NAV3: variants seen among roughly 807,000 people sequenced by gnomAD.
NAV3 encodes the protein pore membrane and/or filament interacting like protein 1.
NAV3 carries 87 observed loss-of-function variants against 244.7 expected under a neutral mutation model. The ratio of observed to expected loss-of-function variants is 0.36; its 90% CI spans 0.30 to 0.42. NAV3 has a LOEUF of 0.42. Among genes scored for constraint, NAV3 ranks in the 20% least tolerant of loss-of-function variants. The pLI is 1.00. For synonymous variants in NAV3, 1,126 were observed against 1,042.2 expected, an observed-to-expected ratio of 1.08 and a Z score of -1.55; for missense variants, 2,663 against 2,893.3, an observed-to-expected ratio of 0.92 and a Z score of 1.83.
At chr12:78,096,401 T>C (rs1954253454) in intron 12 of NAV3, among the ~76,000 whole-genome samples, 1 of 152,166 alleles carries the variant, frequency 6.6e-6, no homozygotes. Flanking sequence ...CTGTTTGAGA[T>C]GAAGGGCTGC....
chr12:78,142,306 G>A lies in NAV3; in HGVS notation c.4683+1972G>A, dbSNP rs536771978. Among the ~76,000 whole-genome samples, 180 of 151,986 alleles carry A rather than the reference G, an allele frequency of 1.2e-3. No individual in the cohort carries two copies. In the South Asian group the frequency reaches 0.022, roughly 18 times the overall value. On this transcript the variant is annotated intron_variant, in intron 20 of 39. Coordinates refer to ENST00000397909, the MANE Select transcript of NAV3 (RefSeq NM_001024383.2). ...CTCAAGAAAAGGATCATGAGTTTAAGAAAAAACAGATTACTAGTCTACCAG... is the reference window on the plus strand; with the variant it reads ...CTCAAGAAAAGGATCATGAGTTTAAAAAAAAACAGATTACTAGTCTACCAG...
At chr12:78,107,041 T>A (rs1286570553) in intron 12 of NAV3, among the ~76,000 whole-genome samples, 3 of 152,132 alleles carry the variant, frequency 2.0e-5, no homozygotes, top group Non-Finnish European at 4.4e-5. Flanking sequence ...ACATCACAGG[T>A]ATATCTAAAG....
At chr12:78,205,200 T>A (rs879447517) in intron 39 of NAV3, 62 bp downstream of exon 39, 69 of 1,495,104 alleles carry the variant, frequency 4.6e-5, no homozygotes, top group Non-Finnish European at 5.8e-5. Context: ...GTCATTAATA[T>A]TTAGTTATTT....
intron 1 of NAV3, among the ~76,000 whole-genome samples, chr12:77,873,821 G>GT (rs1881444611): frequency 1.4e-5 from 2 of 143,806 alleles, no homozygotes; most frequent in South Asian, 4.5e-4. Context: ...GTGTCAATTT[G>GT]TTTTTTCAAG....
intron 2 of NAV3, among the ~76,000 whole-genome samples, chr12:77,810,053 T>C (rs1438730204): frequency 2.6e-5 from 4 of 152,254 alleles, no homozygotes; most frequent in Admixed American, 2.6e-4. Flanking sequence ...CAAACTATTC[T>C]TTTGTTTTCA....
At chr12:77,579,778 A>G (rs1017444705) in intron 2 of NAV3, among the ~76,000 whole-genome samples, 2 of 152,230 alleles carry the variant, frequency 1.3e-5, no homozygotes, top group African/African-American at 2.4e-5. Flanking sequence ...AAGATCCAGT[A>G]AAACATAGTA....
intron 2 of NAV3, among the ~76,000 whole-genome samples, chr12:77,820,395 T>C (rs1218049991): frequency 6.6e-6 from 1 of 152,092 alleles, no homozygotes; most frequent in Non-Finnish European, 1.5e-5. Flanking sequence ...CATCTTCATA[T>C]GTTAGAAGGT....
chr12:78,109,712 TAGATG>T, intron 12 of NAV3, among the ~76,000 whole-genome samples: 1 of 151,922 alleles, frequency 6.6e-6, no homozygotes, highest in East Asian at 1.9e-4. Context: ...ATCATCTCAA[TAGATG>T]CAGAAAAAAA....
chr12:78,099,570 A>G (rs1008392768), intron 12 of NAV3, among the ~76,000 whole-genome samples: 1 of 151,878 alleles, frequency 6.6e-6, no homozygotes, highest in African/African-American at 2.4e-5. Context: ...ATGGTCTTCA[A>G]TGAATCCTGG....
At chr12:77,814,402 A>G (rs542244456) in intron 2 of NAV3, among the ~76,000 whole-genome samples, 1 of 152,340 alleles carries the variant, frequency 6.6e-6, no homozygotes, top group East Asian at 1.9e-4. Flanking sequence ...TAATTCTACC[A>G]AACTCTATAC....
intron 2 of NAV3, among the ~76,000 whole-genome samples, chr12:77,672,896 A>AT (rs913670253): frequency 1.3e-5 from 2 of 152,176 alleles, no homozygotes; most frequent in Non-Finnish European, 2.9e-5. Flanking sequence ...CTATATGACT[A>AT]TTTTGAAGGA....
chr12:77,700,456 G>A (rs1005200896), intron 2 of NAV3, among the ~76,000 whole-genome samples: 1 of 152,096 alleles, frequency 6.6e-6, no homozygotes, highest in Admixed American at 6.6e-5. Context: ...AAACAATCAC[G>A]TTATTTGAGA....
chr12:78,085,252 T>C (rs1360914135), intron 12 of NAV3, among the ~76,000 whole-genome samples: 1 of 152,140 alleles, frequency 6.6e-6, no homozygotes, highest in South Asian at 2.1e-4. Flanking sequence ...GTGAATTACC[T>C]GCTGTGGCTT....
At chr12:77,983,287 G>T (rs1322935845) in intron 5 of NAV3, among the ~76,000 whole-genome samples, 2 of 152,158 alleles carry the variant, frequency 1.3e-5, no homozygotes, top group Non-Finnish European at 2.9e-5. Context: ...GGTGGCAAGA[G>T]AATGAACAGT....
chr12:78,086,825 C>T (rs1362410320), intron 12 of NAV3, among the ~76,000 whole-genome samples: 1 of 152,060 alleles, frequency 6.6e-6, no homozygotes, highest in Non-Finnish European at 1.5e-5. Context: ...TACATGTCCT[C>T]ATCTATGTGT....
chr12:77,824,889 C>T (rs1421643944), intron 2 of NAV3, among the ~76,000 whole-genome samples: 1 of 125,500 alleles, frequency 8.0e-6, no homozygotes, highest in East Asian at 2.1e-4. Context: ...AAGACTCCGT[C>T]TCAAAAACAA....
chr12:77,775,038 T>C (rs1870280937), intron 2 of NAV3, among the ~76,000 whole-genome samples: 1 of 152,194 alleles, frequency 6.6e-6, no homozygotes, highest in Non-Finnish European at 1.5e-5. Context: ...TAAGTAGGCA[T>C]GGACGTTACC....
intron 32 of NAV3, 109 bp from the exon 33 acceptor site, chr12:78,188,500 C>A: frequency 1.7e-6 from 2 of 1,205,270 alleles, no homozygotes; most frequent in Non-Finnish European, 2.3e-6. Context: ...CTTATATTAC[C>A]CATTTCTAAT....
At chr12:77,901,891 C>T (rs2136927787) in intron 1 of NAV3, among the ~76,000 whole-genome samples, 1 of 152,096 alleles carries the variant, frequency 6.6e-6, no homozygotes, top group South Asian at 2.1e-4. Context: ...TGAGATGCCC[C>T]AGTACTGTTT....
Sources: gnomAD v4.1 joint callset for allele counts (sites outside exome capture counted in the v4.1 genomes callset) on GRCh38, gnomAD v4.1.1 for gene constraint, MANE v1.5 for transcripts, NCBI Gene and HGNC (gene_info 2026-07-23, HGNC 2026-07-21) for gene names.